EYS: variants seen among roughly 807,000 people sequenced by gnomAD.
The protein encoded by EYS is EGF-like photoreceptor maintenance factor.
EYS carries 250 observed loss-of-function variants against 282.1 expected under a neutral mutation model. That is an observed-to-expected ratio of 0.89 (90% CI 0.80 to 0.98). The LOEUF is 0.98. Ranked by LOEUF, EYS falls within the 50% of genes least tolerant of loss-of-function variation. The pLI is 0.00. For missense variants in EYS, 4,016 were observed against 3,709.0 expected (o/e 1.08, Z -2.15); for synonymous variants, 1,355 against 1,282.9 (o/e 1.06, Z -1.20).
chr6:65,501,917 T>C (rs1004856000), intron 2 of EYS, among the ~76,000 whole-genome samples: 4 of 151,762 alleles, frequency 2.6e-5, no homozygotes, highest in Non-Finnish European at 4.4e-5. Context: ...CATTATTTGC[T>C]TTTAAAAAAC....
intron 5 of EYS, among the ~76,000 whole-genome samples, chr6:65,420,710 T>A (rs1205994009): frequency 1.3e-5 from 2 of 151,922 alleles, no homozygotes; most frequent in Non-Finnish European, 2.9e-5. Context: ...AAGCATTTCT[T>A]AAATAAAAAG....
intron 22 of EYS, among the ~76,000 whole-genome samples, chr6:64,757,209 C>T (rs1378614562): frequency 6.6e-6 from 1 of 152,090 alleles, no homozygotes; most frequent in Non-Finnish European, 1.5e-5. Context: ...AAGAAATGTG[C>T]TTCCTTATCA....
At chr6:64,272,542 G>C (rs2150357888) in intron 30 of EYS, among the ~76,000 whole-genome samples, 1 of 152,230 alleles carries the variant, frequency 6.6e-6, no homozygotes, top group African/African-American at 2.4e-5. Flanking sequence ...AGCTTAGTTT[G>C]GCTGGATATG....
intron 26 of EYS, among the ~76,000 whole-genome samples, chr6:64,520,784 T>C (rs956965314): frequency 3.3e-5 from 5 of 151,764 alleles, no homozygotes; most frequent in Non-Finnish European, 7.4e-5. Flanking sequence ...TCATAGCACA[T>C]ACAAAATTAT....
chr6:64,675,891 T>C (rs949198006), intron 22 of EYS, among the ~76,000 whole-genome samples: 1 of 151,362 alleles, frequency 6.6e-6, no homozygotes, highest in Admixed American at 6.6e-5. Flanking sequence ...TATGAAACTT[T>C]TAGACATGTT....
intron 32 of EYS, among the ~76,000 whole-genome samples, chr6:64,071,147 G>A (rs548081775): frequency 1.3e-5 from 2 of 152,172 alleles, no homozygotes; most frequent in African/African-American, 4.8e-5. Context: ...GGTTCTAGAC[G>A]AGTGGATTAA....
Position 64,053,023 on chromosome 6 carries a change from TATA to T in EYS, c.6725+13312_6725+13314del, listed in dbSNP as rs771895604. ...GGCAAATACATTAAAATTTTTGATT[TATA>T]ATAAGTATAGCAGCATATAATAATT... On this transcript the variant is annotated intron_variant, in intron 33 of 42. Coordinates refer to ENST00000503581, the MANE Select transcript of EYS (RefSeq NM_001142800.2). 8.1e-4 allele frequency among the ~76,000 whole-genome samples: 123 copies of T among 152,314 alleles called. 3 individuals are homozygous for T. The highest frequency in any genetic ancestry group is 3.4e-3 in the Middle Eastern group (1 of 294).
intron 28 of EYS, among the ~76,000 whole-genome samples, chr6:64,412,483 GAT>G (rs2150444757): frequency 6.6e-6 from 1 of 152,228 alleles, no homozygotes; most frequent in Non-Finnish European, 1.5e-5. Flanking sequence ...GGTTGGTAGA[GAT>G]ATATAGGAGG....
At chr6:65,446,503 C>T (rs1768663216) in intron 5 of EYS, among the ~76,000 whole-genome samples, 1 of 151,682 alleles carries the variant, frequency 6.6e-6, no homozygotes, top group South Asian at 2.1e-4. Context: ...GCTGTGTACA[C>T]AGAATTAAAC....
chr6:65,538,974 A>G (rs1040550807), intron 2 of EYS, among the ~76,000 whole-genome samples: 1 of 152,228 alleles, frequency 6.6e-6, no homozygotes, highest in Non-Finnish European at 1.5e-5. Context: ...CAGTTAAAGC[A>G]TAAGTGAACT....
chr6:65,550,948 C>A (rs111703692), intron 2 of EYS, among the ~76,000 whole-genome samples: 6,818 of 28,346 alleles, frequency 0.24, 2,257 homozygotes, highest in Non-Finnish European at 0.26. Flanking sequence ...AGTTTACAGT[C>A]CCACCAACAG....
intron 28 of EYS, among the ~76,000 whole-genome samples, chr6:64,432,196 G>A (rs1774594533): frequency 6.6e-6 from 1 of 152,038 alleles, no homozygotes; most frequent in Non-Finnish European, 1.5e-5. Context: ...AATTCTCCAG[G>A]AGACAGTTTT....
At chr6:64,674,294 C>T (rs975384554) in intron 22 of EYS, among the ~76,000 whole-genome samples, 11 of 152,036 alleles carry the variant, frequency 7.2e-5, no homozygotes, top group Non-Finnish European at 1.3e-4. Context: ...AATAGGTGCT[C>T]TGAGAAGACA....
chr6:65,078,804 C>T (rs1048230339), intron 12 of EYS, among the ~76,000 whole-genome samples: 5 of 151,736 alleles, frequency 3.3e-5, no homozygotes, highest in East Asian at 1.9e-4. Flanking sequence ...TGGTGGGAGG[C>T]GTTTTGATCA....
At chr6:64,946,288 G>C (rs1040787248) in intron 14 of EYS, among the ~76,000 whole-genome samples, 1 of 151,944 alleles carries the variant, frequency 6.6e-6, no homozygotes, top group Non-Finnish European at 1.5e-5. Flanking sequence ...TCAGCAACTA[G>C]CTCACAAGTT....
At chr6:64,179,296 C>G (rs1582389161) in intron 31 of EYS, among the ~76,000 whole-genome samples, 1 of 151,996 alleles carries the variant, frequency 6.6e-6, no homozygotes, top group African/African-American at 2.4e-5. Context: ...TATAAAACTA[C>G]CTTGGGCTAA....
intron 2 of EYS, among the ~76,000 whole-genome samples, chr6:65,603,986 C>CT (rs765908631): frequency 8.6e-5 from 13 of 151,310 alleles, no homozygotes; most frequent in African/African-American, 7.3e-5. Flanking sequence ...ATTTGAATGA[C>CT]TTCTTTTTTC....
At chr6:64,789,423 C>T (rs753878633) in intron 22 of EYS, among the ~76,000 whole-genome samples, 4 of 152,092 alleles carry the variant, frequency 2.6e-5, no homozygotes, top group African/African-American at 9.7e-5. Context: ...CACACACATG[C>T]TAACATGCTC....
chr6:64,167,146 G>A (rs549376310), intron 31 of EYS, among the ~76,000 whole-genome samples: 1 of 152,210 alleles, frequency 6.6e-6, no homozygotes, highest in South Asian at 2.1e-4. Context: ...TTCTATTAAT[G>A]GTTATGCAAG....
Sources: gnomAD v4.1 joint callset for allele counts (sites outside exome capture counted in the v4.1 genomes callset) on GRCh38, gnomAD v4.1.1 for gene constraint, MANE v1.5 for transcripts, NCBI Gene and HGNC (gene_info 2026-07-23, HGNC 2026-07-21) for gene names.